CAPN9: variants seen among roughly 807,000 people sequenced by gnomAD.
CAPN9 encodes the protein calpain 9.
In CAPN9, 81 loss-of-function variants were observed where a neutral mutation model predicts 92.8. The observed-to-expected ratio is 0.87, with a 90% CI of 0.73 to 1.05. The LOEUF (loss-of-function observed/expected upper bound fraction) is 1.05, where lower values mean the gene tolerates loss of function less well. Among genes scored for constraint, CAPN9 ranks in the 50% least tolerant of loss-of-function variants. The probability of loss-of-function intolerance (pLI) is 0.00; values close to 1 mark genes in which losing one functional copy is unlikely to be tolerated. For missense variants in CAPN9, 848 were observed against 866.2 expected (o/e 0.98, Z 0.26); for synonymous variants, 304 against 328.0 (o/e 0.93, Z 0.79).
At chr1:230,748,656 T>C (rs1245551741) in intron 1 of CAPN9, among the ~76,000 whole-genome samples, 1 of 152,192 alleles carries the variant, frequency 6.6e-6, no homozygotes, top group Non-Finnish European at 1.5e-5. Context: ...TTCCAGTACA[T>C]TACAGCTATT....
intron 16 of CAPN9, 91 bp from the exon 17 acceptor site, chr1:230,792,759 G>C: frequency 7.4e-6 from 8 of 1,086,918 alleles, no homozygotes; most frequent in Non-Finnish European, 1.1e-5. Context: ...CTAGAGGGTA[G>C]CTCCCCCGGG....
At chr1:230,775,621 CT>C (rs1666703833) in intron 8 of CAPN9, among the ~76,000 whole-genome samples, 2 of 152,208 alleles carry the variant, frequency 1.3e-5, no homozygotes, top group Admixed American at 6.5e-5. Context: ...CTTGTAACAG[CT>C]TTTAAAATAC....
At chr1:230,750,016 C>T (rs553231128) in intron 1 of CAPN9, among the ~76,000 whole-genome samples, 3 of 152,258 alleles carry the variant, frequency 2.0e-5, no homozygotes, top group Admixed American at 6.5e-5. Flanking sequence ...CTTTGTCTCC[C>T]CCTTCAGAAG....
chr1:230,750,846 G>A (rs1664715865), intron 1 of CAPN9, among the ~76,000 whole-genome samples: 1 of 152,150 alleles, frequency 6.6e-6, no homozygotes, highest in Non-Finnish European at 1.5e-5. Flanking sequence ...GAACTGGCTG[G>A]GAGGGGCTGG....
intron 17 of CAPN9, 43 bp from the exon 18 acceptor site, chr1:230,795,120 C>A: frequency 7.8e-7 from 1 of 1,284,962 alleles, no homozygotes; most frequent in Non-Finnish European, 1.1e-6. Flanking sequence ...CACCTCGGGG[C>A]TCGGATACAG....
At chr1:230,771,446 CA>C (rs1272424191) in intron 6 of CAPN9, among the ~76,000 whole-genome samples, 4 of 152,274 alleles carry the variant, frequency 2.6e-5, no homozygotes, top group Non-Finnish European at 5.9e-5. Flanking sequence ...GGAATCCTCA[CA>C]GACACCTGAA....
chr1:230,792,207 G>GT (rs3831296), intron 15 of CAPN9, among the ~76,000 whole-genome samples: 16,213 of 152,150 alleles, frequency 0.11, 978 homozygotes, highest in Middle Eastern at 0.3. Flanking sequence ...ACAGAGTTCT[G>GT]TTTTTGTGAA....
At chr1:230,770,763 A>T (rs1666338162) in intron 6 of CAPN9, among the ~76,000 whole-genome samples, 1 of 152,186 alleles carries the variant, frequency 6.6e-6, no homozygotes, top group African/African-American at 2.4e-5. Context: ...TGCCCACTCC[A>T]TGCCTCCCTG....
chr1:230,798,705 G>A (rs545315981), intron 19 of CAPN9, among the ~76,000 whole-genome samples: 1 of 152,312 alleles, frequency 6.6e-6, no homozygotes, highest in African/African-American at 2.4e-5. Context: ...GGGTCTGAGT[G>A]TCAGAGGTAT....
chr1:230,800,515 T>A lies in CAPN9; in HGVS notation c.2047-1055T>A, dbSNP rs182052043. 7.9e-5 allele frequency among the ~76,000 whole-genome samples: 12 copies of A among 152,252 alleles called. No homozygotes were observed. In the East Asian group the frequency reaches 1.5e-3, roughly 20 times the overall value. On this transcript the variant is annotated intron_variant, in intron 19 of 19. Transcript: ENST00000271971. Reference sequence around the variant, plus strand: ...CAGTGTGGAGGAAGTATTCCAGTGCTGCAGCTTCAAGGTAGAAGTGTGGAC... The same window carrying A: ...CAGTGTGGAGGAAGTATTCCAGTGCAGCAGCTTCAAGGTAGAAGTGTGGAC...
chr1:230,774,650 T>C lies in CAPN9; in HGVS notation c.953+19T>C, dbSNP rs1666619690. ...AATTCTGGTACCGTGCTTGTTCCTG[T>C]GTTAACTGCAGATACGAGCAAGTCC... is the stretch of plus-strand genomic sequence containing the variant. On this transcript the variant is annotated intron_variant, in intron 8 of 19. Transcript: ENST00000271971. 2 of 1,586,780 alleles carry C rather than the reference T, an allele frequency of 1.3e-6. No individual in the cohort carries two copies. The highest frequency in any genetic ancestry group is 1.7e-6 in the Non-Finnish European group (2 of 1,155,260).
intron 1 of CAPN9, among the ~76,000 whole-genome samples, chr1:230,754,279 A>G (rs568934960): frequency 2.0e-4 from 31 of 152,284 alleles, no homozygotes; most frequent in African/African-American, 7.2e-4. Flanking sequence ...TATGCATATC[A>G]TAAGATTGCT....
chr1:230,801,617 G>C lies in CAPN9; in HGVS notation c.*21G>C. On this transcript the variant is annotated 3_prime_UTR_variant, in exon 20 of 20. Transcript: ENST00000271971. Reference sequence around the variant, plus strand: ...TCTGAGGCTGCCTTGTAGAGATGCAGCCTGCCCAGCTGAATCTTGGCTTCT... The same window carrying C: ...TCTGAGGCTGCCTTGTAGAGATGCACCCTGCCCAGCTGAATCTTGGCTTCT... The C allele has an allele frequency of 1.2e-6, 2 of 1,611,708 alleles. No individual in the cohort carries two copies. The highest frequency in any genetic ancestry group is 1.7e-6 in the Non-Finnish European group (2 of 1,177,800).
Position 230,793,004 on chromosome 1 carries a change from GTCT to G in CAPN9, c.1870+80_1870+82del. On this transcript the variant is annotated intron_variant, in intron 17 of 19. Coordinates refer to ENST00000271971, the MANE Select transcript of CAPN9 (RefSeq NM_006615.3). ...TGTGGGCAACCTGAGCAGATGGCAG[GTCT>G]TCTCTCTGCTGCCCAGGAGGTGGGC... is the stretch of plus-strand genomic sequence containing the variant. The G allele has an allele frequency of 2.7e-6, 3 of 1,105,068 alleles. No homozygotes were observed. The Admixed American group carries it at 5.2e-5, about 19-fold the overall frequency. The allele number at this position is 1,105,068 out of a possible 1,614,324, so 68.5% of individuals were successfully genotyped here.
At position 230,772,042 on chromosome 1, in the gene CAPN9, T is replaced by C. The variant is rs1666415266; in HGVS notation, c.818T>C (p.Leu273Pro). The change falls in exon 7 of 20, where the codon CTC becomes CCC. Residue 273 changes from leucine to proline, a missense_variant. Transcript: ENST00000271971. The stretch of plus-strand genomic sequence containing the variant: ...AGCTTCCGAGGCCAGAGAATCGAGC[T>C]CATCCGAATCCGGAACCCTTGGGGC... ...QVSFRGQRIE[L>P]IRIRNPWGQV... The C allele has an allele frequency of 6.2e-7, 1 of 1,614,114 alleles. No individual in the cohort carries two copies. Among genetic ancestry groups the C allele is most frequent in the Admixed American group, 1.7e-5 (1 of 60,008 alleles).
chr1:230,756,312 G>C (rs549048618), intron 2 of CAPN9, among the ~76,000 whole-genome samples: 81 of 152,112 alleles, frequency 5.3e-4, no homozygotes, highest in Middle Eastern at 3.4e-3. Context: ...AATTGAGAGA[G>C]AGAGAGAGAG....
At chr1:230,780,081 CGT>C (rs59033537) in intron 9 of CAPN9, 96 bp from the exon 10 acceptor site, 46,868 of 639,754 alleles carry the variant, frequency 0.073, 256 homozygotes, top group East Asian at 0.16. Flanking sequence ...GGTGTATGTG[CGT>C]GTGTGTGTGT....
intron 11 of CAPN9, among the ~76,000 whole-genome samples, chr1:230,782,214 C>T (rs1009598005): frequency 7.9e-5 from 12 of 152,188 alleles, no homozygotes; most frequent in Admixed American, 7.9e-4. Flanking sequence ...GAACAAGATT[C>T]TTTAATCTGC....
rs183086307 is a variant in CAPN9 at position 230,762,553 on chromosome 1, G to A, written c.403-100G>A. 6.3e-6 allele frequency: 9 copies of A among 1,418,660 alleles called. 1 individual carries two copies. In the Admixed American group the frequency reaches 1.5e-4, roughly 24 times the overall value. The allele number at this position is 1,418,660 out of a possible 1,614,324, so 87.9% of individuals were successfully genotyped here. ...TTCAAAGCTGTCTATGGGTAGCTTGGTCAGAGGGGAAAAAAGCAACAGGAT... is the reference window on the plus strand; with the variant it reads ...TTCAAAGCTGTCTATGGGTAGCTTGATCAGAGGGGAAAAAAGCAACAGGAT... On this transcript the variant is annotated intron_variant, in intron 3 of 19. Coordinates refer to ENST00000271971, the MANE Select transcript of CAPN9 (RefSeq NM_006615.3).
Sources: allele counts gnomAD v4.1 joint callset (sites outside exome capture counted in the v4.1 genomes callset), GRCh38; gene constraint gnomAD v4.1.1; transcripts MANE v1.5; gene names NCBI Gene and HGNC (gene_info 2026-07-23, HGNC 2026-07-21).